The following TRABD2B variants were observed in gnomAD, a reference collection of about 807,000 sequenced individuals.
TRABD2B encodes metalloprotease TIKI2.
Under a neutral mutation model 40.1 loss-of-function variants are expected in TRABD2B, and 14 were observed. The observed-to-expected ratio is 0.35, with a 90% CI of 0.23 to 0.55. TRABD2B has a LOEUF of 0.55. TRABD2B is among the 20% of genes least tolerant of loss of function. The pLI is 0.90. For missense variants in TRABD2B, 541 were observed against 648.6 expected (o/e 0.83, Z 1.80); for synonymous variants, 263 against 277.0 (o/e 0.95, Z 0.50).
chr1:47,788,975 C>T (rs1419925526), intron 4 of TRABD2B, among the ~76,000 whole-genome samples: 1 of 152,154 alleles, frequency 6.6e-6, no homozygotes, highest in African/African-American at 2.4e-5. Flanking sequence ...AAACCTGTTT[C>T]CCTGGAACTA....
intron 2 of TRABD2B, among the ~76,000 whole-genome samples, chr1:47,968,547 T>A (rs1645635956): frequency 6.6e-6 from 1 of 152,114 alleles, no homozygotes; most frequent in Non-Finnish European, 1.5e-5. Flanking sequence ...GGCATGCACA[T>A]GCGTGCACAC....
intron 2 of TRABD2B, among the ~76,000 whole-genome samples, chr1:47,954,884 C>CTCTCTG (rs961394380): frequency 6.6e-6 from 1 of 152,132 alleles, no homozygotes; most frequent in Admixed American, 6.5e-5. Context: ...CATTGGTCTC[C>CTCTCTG]TCTCTGTCTC....
At chr1:47,981,115 G>C (rs1285889851) in intron 2 of TRABD2B, among the ~76,000 whole-genome samples, 1 of 151,994 alleles carries the variant, frequency 6.6e-6, no homozygotes, top group Non-Finnish European at 1.5e-5. Context: ...TTCAGTTCAA[G>C]CAATTCTCGT....
chr1:47,994,466 A>C lies in TRABD2B; in HGVS notation c.234T>G (p.Ala78=), dbSNP rs1411068161. ...IPDNSKAAFQ[A]STRVYFELDL... ...CCAGCTCAAAGTAGACACGGGTGCT[A>C]GCCTGGAAGGCTGCCTTGGAGTTGT... Residue 78 remains alanine, a synonymous_variant, in exon 2 of 7, where the codon GCT becomes GCG. Transcript: ENST00000606738. The surrounding 1 kb of genome is among the most constrained non-coding windows in gnomAD (Gnocchi z 6.7). The C allele has an allele frequency of 6.5e-7, 1 of 1,536,052 alleles. No individual in the cohort carries two copies. Among genetic ancestry groups the C allele is most frequent in the East Asian group, 2.4e-5 (1 of 40,920 alleles).
intron 2 of TRABD2B, among the ~76,000 whole-genome samples, chr1:47,861,696 A>T (rs1371661563): frequency 6.6e-6 from 1 of 152,186 alleles, no homozygotes; most frequent in Non-Finnish European, 1.5e-5. Flanking sequence ...TTTAGGAAAG[A>T]GATTATACCA....
At chr1:47,877,892 T>A (rs929764382) in intron 2 of TRABD2B, among the ~76,000 whole-genome samples, 3 of 151,408 alleles carry the variant, frequency 2.0e-5, no homozygotes, top group Non-Finnish European at 4.4e-5. Context: ...CTCGGGAGAC[T>A]GAGGCAGGAG....
Position 47,996,922 on chromosome 1 carries a change from G to C in TRABD2B, c.-133C>G, listed in dbSNP as rs2148471623. ...CCGCAGGATGCTGGGCGCCCTCTGG[G>C]GCGTGGCTGACTGTCCCTGTCGGAC... On this transcript the variant is annotated 5_prime_UTR_variant, in exon 1 of 7. Transcript: ENST00000606738. This position sits in a 1 kb window ranked among gnomAD's most constrained non-coding sequence, Gnocchi z 4.6. The C allele has an allele frequency of 8.9e-7, 1 of 1,123,392 alleles. No individual in the cohort carries two copies. The highest frequency in any genetic ancestry group is 1.1e-6 in the Non-Finnish European group (1 of 919,474). The allele number at this position is 1,123,392 out of a possible 1,614,324, so 69.6% of individuals were successfully genotyped here. A position where few individuals can be genotyped will look rare whatever the true frequency, so the allele number is the denominator to read the frequency against.
At chr1:47,867,013 A>G (rs1644068600) in intron 2 of TRABD2B, among the ~76,000 whole-genome samples, 1 of 152,164 alleles carries the variant, frequency 6.6e-6, no homozygotes, top group Non-Finnish European at 1.5e-5. Flanking sequence ...TCAGCTATAC[A>G]AACTTCACAG....
chr1:47,787,104 A>C (rs1423690692), intron 4 of TRABD2B, among the ~76,000 whole-genome samples: 1 of 152,194 alleles, frequency 6.6e-6, no homozygotes, highest in African/African-American at 2.4e-5. Context: ...GACGCCACCA[A>C]GTGAAGAACC....
At chr1:47,772,961 A>G (rs1329686865) in intron 6 of TRABD2B, among the ~76,000 whole-genome samples, 1 of 152,242 alleles carries the variant, frequency 6.6e-6, no homozygotes, top group East Asian at 1.9e-4. Flanking sequence ...CTTGCCAAAG[A>G]AAAGCTGTTT....
In TRABD2B at chr1:47,964,379, AG is replaced by A. The variant is rs1180481685; in HGVS notation, c.666+29654del. ...ACAAAGATCACCAATAGACTTGCTGAGGAAGGAGCACAAACTTCATTAAGAA... is the reference window on the plus strand; with the variant it reads ...ACAAAGATCACCAATAGACTTGCTGAGAAGGAGCACAAACTTCATTAAGAA... On this transcript the variant is annotated intron_variant, in intron 2 of 6. Coordinates refer to ENST00000606738, the MANE Select transcript of TRABD2B (RefSeq NM_001194986.2). Among the ~76,000 whole-genome samples, 47 of 152,194 alleles carry A rather than the reference AG, an allele frequency of 3.1e-4. 1 individual carries two copies. Among genetic ancestry groups the A allele is most frequent in the Admixed American group, 3.0e-3 (46 of 15,288 alleles).
intron 2 of TRABD2B, among the ~76,000 whole-genome samples, chr1:47,881,831 CT>C (rs1298465922): frequency 6.6e-6 from 1 of 152,224 alleles, no homozygotes; most frequent in Non-Finnish European, 1.5e-5. Flanking sequence ...CCTGATATAA[CT>C]GTGCATCCTG....
chr1:47,804,599 A>G (rs1212005155), intron 2 of TRABD2B, among the ~76,000 whole-genome samples: 1 of 152,160 alleles, frequency 6.6e-6, no homozygotes, highest in African/African-American at 2.4e-5. Context: ...CGACTCACAG[A>G]GTTGCTTCTG....
At chr1:47,965,429 T>C (rs781422329) in intron 2 of TRABD2B, among the ~76,000 whole-genome samples, 1 of 151,148 alleles carries the variant, frequency 6.6e-6, no homozygotes, top group African/African-American at 2.4e-5. Context: ...GGAAGTCTAG[T>C]GCACTCCTGT....
rs1646066679 is a variant in TRABD2B at position 47,994,776 on chromosome 1, C to G, written c.103-179G>C. 6.6e-6 allele frequency among the ~76,000 whole-genome samples: 1 copy of G among 152,174 alleles called. No homozygotes were observed. The highest frequency in any genetic ancestry group is 1.5e-5 in the Non-Finnish European group (1 of 68,034). ...CCCACATTGAAAACCTAGCTTTGCC[C>G]TGTCTTAGATGTATGATCTTGAGTG... is the stretch of plus-strand genomic sequence containing the variant. On this transcript the variant is annotated intron_variant, in intron 1 of 6. Transcript: ENST00000606738. This position sits in a 1 kb window ranked among gnomAD's most constrained non-coding sequence, Gnocchi z 6.7.
intron 2 of TRABD2B, among the ~76,000 whole-genome samples, chr1:47,806,453 C>T (rs1644893226): frequency 6.6e-6 from 1 of 152,166 alleles, no homozygotes; most frequent in Non-Finnish European, 1.5e-5. Flanking sequence ...AATAACAAAC[C>T]TTCTTTGTAC....
At chr1:47,960,319 C>A (rs539645541) in intron 2 of TRABD2B, among the ~76,000 whole-genome samples, 49 of 152,302 alleles carry the variant, frequency 3.2e-4, no homozygotes, top group African/African-American at 1.1e-3. Flanking sequence ...CGGGGATGCC[C>A]TCTCTCACCA....
chr1:47,922,770 G>A (rs892235781), intron 2 of TRABD2B, among the ~76,000 whole-genome samples: 3 of 152,142 alleles, frequency 2.0e-5, no homozygotes, highest in Non-Finnish European at 4.4e-5. Flanking sequence ...TGGAAATCTA[G>A]ACTTATTTCC....
rs185104992 is a variant in TRABD2B at position 47,900,810 on chromosome 1, G to A, written c.666+93224C>T. On this transcript the variant is annotated intron_variant, in intron 2 of 6. Transcript: ENST00000606738. Reference sequence around the variant, plus strand: ...GGGTTCAGTCTGAGACCACAGGACAGCATTTTTGTCTTGGTAAAATTAACT... The same window carrying A: ...GGGTTCAGTCTGAGACCACAGGACAACATTTTTGTCTTGGTAAAATTAACT... 2.5e-4 allele frequency among the ~76,000 whole-genome samples: 38 copies of A among 152,276 alleles called. 1 individual carries two copies. The highest frequency in any genetic ancestry group is 9.8e-4 in the Admixed American group (15 of 15,292).
Sources: allele counts gnomAD v4.1 joint callset (sites outside exome capture counted in the v4.1 genomes callset), GRCh38; gene constraint gnomAD v4.1.1; non-coding constraint Gnocchi (gnomAD v3.1); transcripts MANE v1.5; gene names NCBI Gene and HGNC (gene_info 2026-07-23, HGNC 2026-07-21).